VPS13C: variants seen among roughly 807,000 people sequenced by gnomAD.
The protein encoded by VPS13C is intermembrane lipid transfer protein VPS13C.
A neutral mutation model predicts 456.8 loss-of-function variants in VPS13C; 358 were observed. The observed-to-expected ratio is 0.78, with a 90% CI of 0.72 to 0.86. The LOEUF is 0.86. VPS13C is among the 40% of genes least tolerant of loss of function. The probability of loss-of-function intolerance (pLI) is 0.00; values close to 1 mark genes in which losing one functional copy is unlikely to be tolerated. For synonymous variants in VPS13C, 1,578 were observed against 1,486.7 expected, an observed-to-expected ratio of 1.06 and a Z score of -1.41; for missense variants, 4,818 against 4,385.4, an observed-to-expected ratio of 1.10 and a Z score of -2.79.
At chr15:62,000,661 T>C (rs2046579657) in intron 15 of VPS13C, 35 bp from the exon 16 acceptor site, 1 of 1,560,242 alleles carries the variant, frequency 6.4e-7, no homozygotes, top group Non-Finnish European at 8.6e-7. Context: ...AACAAGAAAT[T>C]TAATCATTAG....
intron 47 of VPS13C, among the ~76,000 whole-genome samples, chr15:61,938,593 G>T (rs2044308105): frequency 1.3e-5 from 2 of 152,140 alleles, no homozygotes; most frequent in Admixed American, 6.5e-5. Flanking sequence ...TTTGGTTAAA[G>T]TAATTATAAT....
At chr15:62,017,744 G>C (rs532239886) in intron 9 of VPS13C, among the ~76,000 whole-genome samples, 2 of 152,226 alleles carry the variant, frequency 1.3e-5, no homozygotes, top group Non-Finnish European at 2.9e-5. Flanking sequence ...TGTTCTTTTG[G>C]CTTAGGATTG....
intron 82 of VPS13C, among the ~76,000 whole-genome samples, chr15:61,862,046 G>A (rs1051929154): frequency 3.3e-5 from 5 of 152,152 alleles, no homozygotes; most frequent in African/African-American, 1.2e-4. Context: ...GTTGCAGTGA[G>A]CTGAGATCGC....
rs1260666055 is a variant in VPS13C at position 61,959,436 on chromosome 15, TCA to T, written c.4056+10_4056+11del. 1 of 1,600,032 alleles carries T rather than the reference TCA, an allele frequency of 6.2e-7. No homozygotes were observed. Among genetic ancestry groups the T allele is most frequent in the African/African-American group, 1.3e-5 (1 of 74,456 alleles). Reference sequence around the variant, plus strand: ...TTCAACAATGAAGTTTTTTCTTCACTCATATACTTACATTCATTGAATCAAGA... The same window carrying T: ...TTCAACAATGAAGTTTTTTCTTCACTTATACTTACATTCATTGAATCAAGA... On this transcript the variant is annotated intron_variant, in intron 36 of 84. Coordinates refer to ENST00000644861, the MANE Select transcript of VPS13C (RefSeq NM_020821.3).
intron 78 of VPS13C, among the ~76,000 whole-genome samples, chr15:61,872,438 C>G (rs548698709): frequency 1.3e-3 from 205 of 152,078 alleles, no homozygotes; most frequent in Non-Finnish European, 2.3e-3. Flanking sequence ...TACATTGTAA[C>G]TTAGTGGAAG....
At chr15:61,998,015 C>T (rs1000879175) in intron 16 of VPS13C, among the ~76,000 whole-genome samples, 4 of 152,182 alleles carry the variant, frequency 2.6e-5, no homozygotes, top group South Asian at 4.1e-4. Flanking sequence ...TCAACTCCCA[C>T]GAGCAGCCCT....
chr15:61,919,533 T>A (rs534001290), intron 57 of VPS13C, 84 bp from the exon 58 acceptor site: 1 of 1,305,246 alleles, frequency 7.7e-7, no homozygotes, highest in Admixed American at 3.0e-5. Context: ...CTCAAAATAA[T>A]GAAGAGTATT....
intron 58 of VPS13C, among the ~76,000 whole-genome samples, 172 bp downstream of exon 58, chr15:61,919,117 T>C (rs1331245389): frequency 2.6e-5 from 4 of 152,148 alleles, no homozygotes; most frequent in Non-Finnish European, 5.9e-5. Flanking sequence ...CAGAGCAAGC[T>C]GGACAGTAAA....
intron 67 of VPS13C, among the ~76,000 whole-genome samples, chr15:61,886,664 G>T (rs1443598925): frequency 6.6e-6 from 1 of 152,024 alleles, no homozygotes; most frequent in Non-Finnish European, 1.5e-5. Context: ...ACAAAAACAG[G>T]CATTGGGTTA....
intron 1 of VPS13C, among the ~76,000 whole-genome samples, chr15:62,051,481 C>G (rs560186383): frequency 5.7e-4 from 87 of 152,282 alleles, no homozygotes; most frequent in African/African-American, 1.8e-3. Context: ...GTGGCAGTCT[C>G]AAGGCTCAAA....
intron 37 of VPS13C, among the ~76,000 whole-genome samples, chr15:61,957,519 A>G (rs1159442862): frequency 2.6e-5 from 4 of 152,134 alleles, no homozygotes; most frequent in Non-Finnish European, 5.9e-5. Flanking sequence ...CACTTAGCAC[A>G]TGGTCCAAAA....
chr15:61,993,691 G>A (rs2046293190), intron 16 of VPS13C, among the ~76,000 whole-genome samples: 1 of 151,970 alleles, frequency 6.6e-6, no homozygotes, highest in African/African-American at 2.4e-5. Flanking sequence ...ACATAGAAAG[G>A]CTATGAAGAA....
At chr15:61,982,795 G>C (rs924289987) in intron 20 of VPS13C, among the ~76,000 whole-genome samples, 1 of 152,174 alleles carries the variant, frequency 6.6e-6, no homozygotes, top group African/African-American at 2.4e-5. Context: ...ATATCATTAA[G>C]GTGTAAAGTA....
At chr15:61,917,699 TA>T in intron 59 of VPS13C, 64 bp from the exon 60 acceptor site, 1 of 1,517,628 alleles carries the variant, frequency 6.6e-7, no homozygotes, top group Non-Finnish European at 8.9e-7. Context: ...AGCATCTCAT[TA>T]AATCTTCCTG....
chr15:62,007,199 G>A (rs1353351933), intron 15 of VPS13C, 109 bp downstream of exon 15: 1 of 900,462 alleles, frequency 1.1e-6, no homozygotes, highest in East Asian at 3.2e-5. Context: ...CTCAAAAAGA[G>A]GTGAATTCTG....
At chr15:61,997,307 T>A (rs1388988456) in intron 16 of VPS13C, among the ~76,000 whole-genome samples, 1 of 152,144 alleles carries the variant, frequency 6.6e-6, no homozygotes, top group East Asian at 1.9e-4. Context: ...GCTGGTTCTT[T>A]CCCATCCCTC....
rs751246099 is a variant in VPS13C, at chr15:61,958,716, C to T, written c.4057G>A (p.Val1353Ile). Reference sequence around the variant, plus strand: ...TTAAGATCTTCTTGATTTAGACTAACCTGTAAAATATTATGTTAAAAAAAA... The same window carrying T: ...TTAAGATCTTCTTGATTTAGACTAATCTGTAAAATATTATGTTAAAAAAAA... ...EIKGHLDSMN[V>I]SLNQEDLNLL... The change falls in exon 37 of 85, where the codon GTT becomes ATT. Residue 1353 changes from valine to isoleucine, a missense_variant and splice_region_variant. Physicochemically the swap from Val to Ile is conservative, Grantham distance 29. This residue lies in a region of VPS13C where 4,552 missense variants were observed against 4,130.6 expected (regional missense o/e 1.10). Transcript: ENST00000644861. 2.7e-5 allele frequency: 38 copies of T among 1,426,526 alleles called. No homozygotes were observed. The highest frequency in any genetic ancestry group is 3.5e-5 in the Non-Finnish European group (37 of 1,056,584). The allele number at this position is 1,426,526 out of a possible 1,614,324, so 88.4% of individuals were successfully genotyped here.
chr15:61,872,184 T>A (rs1043939685), intron 78 of VPS13C, 150 bp from the exon 79 acceptor site: 2 of 570,274 alleles, frequency 3.5e-6, no homozygotes, highest in African/African-American at 3.8e-5. Flanking sequence ...AACATACACA[T>A]ATAAGTTAGC....
At chr15:61,937,467 GTTTCTTTTCT>G (rs150134747) in intron 47 of VPS13C, among the ~76,000 whole-genome samples, 1 of 151,982 alleles carries the variant, frequency 6.6e-6, no homozygotes, top group Non-Finnish European at 1.5e-5. Flanking sequence ...CTTAACTCAA[GTTTCTTTTCT>G]TTTCTTTTCT....
Sources: gnomAD v4.1 joint callset for allele counts (sites outside exome capture counted in the v4.1 genomes callset) on GRCh38, gnomAD v4.1.1 for gene constraint, gnomAD v4.1.1 regional missense constraint, MANE v1.5 for transcripts, NCBI Gene and HGNC (gene_info 2026-07-23, HGNC 2026-07-21) for gene names.